The following PIGQ variants were observed in gnomAD, a reference collection of about 807,000 sequenced individuals.
PIGQ encodes the protein phosphatidylinositol N-acetylglucosaminyltransferase subunit Q.
Under a neutral mutation model 60.3 loss-of-function variants are expected in PIGQ, and 54 were observed. That is an observed-to-expected ratio of 0.90 (90% CI 0.72 to 1.12). The LOEUF is 1.12. Ranked by LOEUF, PIGQ falls within the 50% of genes most tolerant of loss-of-function variation. The pLI is 0.00. For synonymous variants in PIGQ, 416 were observed against 363.7 expected (o/e 1.14, Z -1.64); for missense variants, 799 against 793.5 (o/e 1.01, Z -0.08).
Position 578,928 on chromosome 16 carries a change from T to C in PIGQ, c.1213T>C (p.Tyr405His), listed in dbSNP as rs1393169749. 1 of 1,611,278 alleles carries C rather than the reference T, an allele frequency of 6.2e-7. No individual in the cohort carries two copies. The highest frequency in any genetic ancestry group is 8.5e-7 in the Non-Finnish European group (1 of 1,179,548). Residue 405 changes from tyrosine to histidine, a missense_variant, in exon 6 of 11, where the codon TAT becomes CAT. Transcript: ENST00000321878. ...CTTCCACATCTACTGCTTTTACGTC[T>C]ATGGAGCCAGGTGGGCGTGGGCTTC... ...LTFHIYCFYV[Y>H]GARLYCLKIH...
In PIGQ at chr16:574,763, G is replaced by C. The variant is rs1251694138; in HGVS notation, c.689G>C (p.Arg230Pro). 1.3e-6 allele frequency: 2 copies of C among 1,559,602 alleles called. No individual in the cohort carries two copies. Among genetic ancestry groups the C allele is most frequent in the Non-Finnish European group, 1.7e-6 (2 of 1,157,476 alleles). The part of the protein sequence containing the change: ...LSLVSAVSAC[R>P]VFKLWPLSFL... ...CTGGTCTCAGCTGTCAGTGCCTGCC[G>C]GTAGGTGTCCCGGGACAGGCAGGTG... Residue 230 changes from arginine to proline, a missense_variant and splice_region_variant, in exon 2 of 11, where the codon CGA becomes CCA. By Grantham distance (103) the Arg-to-Pro change is moderately radical (BLOSUM62 -2). Coordinates refer to ENST00000321878, the MANE Select transcript of PIGQ (RefSeq NM_004204.5).
chr16:580,482 G>C, intron 8 of PIGQ: 1 of 551,402 alleles, frequency 1.8e-6, no homozygotes, highest in Non-Finnish European at 3.2e-6. Flanking sequence ...CACGCAGCTG[G>C]GTGCGTGGTG....
intron 1 of PIGQ, among the ~76,000 whole-genome samples, chr16:571,994 T>C (rs2035636575): frequency 6.6e-6 from 1 of 152,100 alleles, no homozygotes; most frequent in Non-Finnish European, 1.5e-5. Flanking sequence ...TTACCCAAAG[T>C]GAGCCCACCG....
chr16:579,045 GC>G (rs751996304), intron 6 of PIGQ, 23 bp from the exon 7 acceptor site: 5 of 1,596,820 alleles, frequency 3.1e-6, no homozygotes, highest in Non-Finnish European at 4.3e-6. Context: ...GCGGGGCCGG[GC>G]CCGACAGCAC....
At chr16:582,835 G>A (rs1487554332) in intron 10 of PIGQ, 48 bp from the exon 11 acceptor site, 2 of 1,549,982 alleles carry the variant, frequency 1.3e-6, no homozygotes, top group Admixed American at 1.8e-5. Context: ...TCTGCAGACG[G>A]GGTTGGAGCT....
In PIGQ at chr16:578,858, G is replaced by C; in HGVS notation, c.1143G>C (p.Leu381=). ...WHVGLSACLG[L]TVALSLLSDI... ...TGGGCCTCTCGGCCTGCCTGGGCCT[G>C]ACGGTGGCCCTGTCCCTCCTCTCGG... Residue 381 remains leucine, a synonymous_variant, in exon 6 of 11, where the codon CTG becomes CTC. Transcript: ENST00000321878. 6.2e-7 allele frequency: 1 copy of C among 1,613,792 alleles called. No individual in the cohort carries two copies. The highest frequency in any genetic ancestry group is 1.3e-5 in the African/African-American group (1 of 75,058).
At position 580,191 on chromosome 16, in the gene PIGQ, C is replaced by T. The variant is rs757146445; in HGVS notation, c.1344C>T (p.Ile448=). The change falls in exon 8 of 11, where the codon ATC becomes ATT. Residue 448 remains isoleucine (I), a synonymous_variant. Coordinates refer to ENST00000321878, the MANE Select transcript of PIGQ (RefSeq NM_004204.5). The part of the protein sequence containing the change: ...SCSYDLDQLF[I]GTLLFTILLF... ...CTGGCCCCTCCCTACAGCTGTTCAT[C>T]GGGACTCTGCTCTTCACCATCCTGC... 7 of 1,611,402 alleles carry T rather than the reference C, an allele frequency of 4.3e-6. No homozygotes were observed. The highest frequency in any genetic ancestry group is 2.2e-5 in the East Asian group (1 of 44,850).
At chr16:577,666 G>T (rs889416161) in intron 4 of PIGQ, among the ~76,000 whole-genome samples, 2 of 152,146 alleles carry the variant, frequency 1.3e-5, no homozygotes, top group East Asian at 1.9e-4. Flanking sequence ...AGGGGCCTGC[G>T]CAATGGGCAA....
rs746458449 is a variant in PIGQ at position 574,176 on chromosome 16, G to A, written c.102G>A (p.Ala34=). Residue 34 remains alanine (A), a synonymous_variant, in exon 2 of 11, where the codon GCG becomes GCA. Coordinates refer to ENST00000321878, the MANE Select transcript of PIGQ (RefSeq NM_004204.5). The part of the protein sequence containing the change: ...VPEQSSAVVL[A]VLHFPFIPIQ... ...AGCAGAGCAGCGCCGTGGTCCTGGC[G>A]GTCCTGCACTTTCCCTTCATCCCCA... 1.6e-4 allele frequency: 264 copies of A among 1,612,480 alleles called. 1 individual carries two copies. Among genetic ancestry groups the A allele is most frequent in the Middle Eastern group, 1.2e-3 (7 of 6,084 alleles).
chr16:571,512 G>T (rs1397708588), intron 1 of PIGQ, among the ~76,000 whole-genome samples: 1 of 134,404 alleles, frequency 7.4e-6, no homozygotes, highest in African/African-American at 3.1e-5. Context: ...GTGTGTGTGT[G>T]TGTGTGTGTC....
In PIGQ at chr16:577,439, T is replaced by C. The variant is rs549500886; in HGVS notation, c.943-940T>C. ...AAAAATACAAAAAATTAGCCAGGTA[T>C]GGTGGTGGGCACCTGTAGTCCCAGC... On this transcript the variant is annotated intron_variant, in intron 4 of 10. Coordinates refer to ENST00000321878, the MANE Select transcript of PIGQ (RefSeq NM_004204.5). 5.3e-5 allele frequency among the ~76,000 whole-genome samples: 8 copies of C among 152,016 alleles called. No homozygotes were observed. The South Asian group carries it at 1.2e-3, about 24-fold the overall frequency.
At position 583,141 on chromosome 16, in the gene PIGQ, T is replaced by C; in HGVS notation, c.*106T>C. 1.2e-6 allele frequency: 2 copies of C among 1,613,302 alleles called. No homozygotes were observed. Among genetic ancestry groups the C allele is most frequent in the Non-Finnish European group, 1.7e-6 (2 of 1,179,968 alleles). On this transcript the variant is annotated 3_prime_UTR_variant, in exon 11 of 11. Coordinates refer to ENST00000321878, the MANE Select transcript of PIGQ (RefSeq NM_004204.5). ...CGCATGTCCTGTGCTTTGTGGACGC[T>C]GCTGTGTGCTCCTGAACACGGCAGG...
intron 9 of PIGQ, 90 bp downstream of exon 9, chr16:581,062 C>T (rs1333472456): frequency 2.0e-5 from 27 of 1,327,998 alleles, no homozygotes; most frequent in Non-Finnish European, 2.8e-5. Flanking sequence ...GCATGGGCCA[C>T]TGTGCCTCCA....
At chr16:582,223 C>A in intron 9 of PIGQ, 25 bp from the exon 10 acceptor site, 1 of 1,518,450 alleles carries the variant, frequency 6.6e-7, no homozygotes, top group Non-Finnish European at 8.9e-7. Flanking sequence ...CGCGTCCCCT[C>A]GTCAGCCGCT....
rs796094889 is a variant in PIGQ at position 581,076 on chromosome 16, T to C, written c.1531+104T>C. On this transcript the variant is annotated intron_variant, in intron 9 of 10. Transcript: ENST00000321878. ...AGCATGGGCCACTGTGCCTCCAGCC[T>C]GGAAGCCGTGGTATGCATGCGCAAG... 14 of 1,354,110 alleles carry C rather than the reference T, an allele frequency of 1.0e-5. 1 individual carries two copies. The African/African-American group carries it at 1.9e-4, about 18-fold the overall frequency. The allele number at this position is 1,354,110 out of a possible 1,614,324, so 83.9% of individuals were successfully genotyped here. A position where few individuals can be genotyped will look rare whatever the true frequency, so the allele number is the denominator to read the frequency against.
chr16:580,409 T>G (rs916675212), intron 8 of PIGQ, 146 bp downstream of exon 8: 65 of 621,840 alleles, frequency 1.0e-4, no homozygotes, highest in Non-Finnish European at 1.7e-4. Context: ...GGGCAGTGAG[T>G]GCTGCGCTCT....
intron 4 of PIGQ, 182 bp downstream of exon 4, chr16:576,436 G>A (rs1358935971): frequency 6.9e-6 from 5 of 721,672 alleles, no homozygotes; most frequent in Non-Finnish European, 1.1e-5. Flanking sequence ...GGCCTGGGCA[G>A]GGCAGGCCTC....
chr16:575,755 G>A (rs1311266835), intron 2 of PIGQ, 84 bp from the exon 3 acceptor site: 4 of 1,401,274 alleles, frequency 2.9e-6, no homozygotes, highest in Non-Finnish European at 3.9e-6. Context: ...GTGTGGCCTG[G>A]GTGTTTGTGG....
chr16:580,360 C>T, intron 8 of PIGQ, 97 bp downstream of exon 8: 1 of 970,634 alleles, frequency 1.0e-6, no homozygotes, highest in Non-Finnish European at 1.6e-6. Flanking sequence ...CGGGCTGTCT[C>T]CTGCTGCAGG....
Sources: allele counts gnomAD v4.1 joint callset (sites outside exome capture counted in the v4.1 genomes callset), GRCh38; gene constraint gnomAD v4.1.1; transcripts MANE v1.5; gene names NCBI Gene and HGNC (gene_info 2026-07-23, HGNC 2026-07-21).